Variants in COL4A2 observed in about 807,000 individuals in gnomAD.
The protein encoded by COL4A2 is collagen alpha-2(IV) chain.
A neutral mutation model predicts 200.2 loss-of-function variants in COL4A2; 99 were observed. The ratio of observed to expected loss-of-function variants is 0.49; its 90% CI spans 0.42 to 0.58. The LOEUF (loss-of-function observed/expected upper bound fraction) is 0.58, where lower values mean the gene tolerates loss of function less well. Ranked by LOEUF, COL4A2 falls within the 20% of genes least tolerant of loss-of-function variation. The pLI is 0.00. For synonymous variants in COL4A2, 897 were observed against 900.6 expected (o/e 1.00, Z 0.07); for missense variants, 1,950 against 2,314.1 (o/e 0.84, Z 3.23).
chr13:110,395,262 A>G (rs1879144818), intron 4 of COL4A2, among the ~76,000 whole-genome samples: 1 of 152,206 alleles, frequency 6.6e-6, no homozygotes, highest in Non-Finnish European at 1.5e-5. Flanking sequence ...AGTTCCCTTC[A>G]ACATTAGAAC....
intron 6 of COL4A2, among the ~76,000 whole-genome samples, 184 bp downstream of exon 6, chr13:110,425,181 G>A (rs1035008636): frequency 6.6e-6 from 1 of 152,206 alleles, no homozygotes; most frequent in African/African-American, 2.4e-5. Flanking sequence ...TGTTTGCTTT[G>A]TAAACGTCCT....
Position 110,467,021 on chromosome 13 carries a change from T to C in COL4A2, c.2039-19T>C, listed in dbSNP as rs1882267841. On this transcript the variant is annotated intron_variant, in intron 26 of 47. Transcript: ENST00000360467. ...GTTTAGGATTGCTTGGGCTCATCTT[T>C]TCTCCTTTCTGTCCCCAGGTTGCAT... 1 of 1,613,874 alleles carries C rather than the reference T, an allele frequency of 6.2e-7. No individual in the cohort carries two copies.
intron 29 of COL4A2, among the ~76,000 whole-genome samples, chr13:110,476,217 C>T (rs1170122935): frequency 1.6e-5 from 2 of 123,634 alleles, no homozygotes; most frequent in Non-Finnish European, 3.7e-5. Flanking sequence ...GGTGGACCTG[C>T]CATCGCTGCG....
At chr13:110,486,442 C>CG (rs909449062) in intron 34 of COL4A2, among the ~76,000 whole-genome samples, 5 of 152,198 alleles carry the variant, frequency 3.3e-5, no homozygotes, top group Non-Finnish European at 5.9e-5. Flanking sequence ...CATAGCACAG[C>CG]GTGGCTCCCC....
chr13:110,358,893 A>G (rs1877398372), intron 4 of COL4A2, among the ~76,000 whole-genome samples: 2 of 152,236 alleles, frequency 1.3e-5, no homozygotes, highest in African/African-American at 2.4e-5. Flanking sequence ...AATTTTCATA[A>G]GCATCTTTTC....
chr13:110,375,796 C>A (rs1878212422), intron 4 of COL4A2, among the ~76,000 whole-genome samples: 1 of 151,856 alleles, frequency 6.6e-6, no homozygotes, highest in South Asian at 2.1e-4. Flanking sequence ...CGCCGCTGCA[C>A]TCCAGCCTGG....
At chr13:110,505,125 C>G (rs375264039) in intron 45 of COL4A2, among the ~76,000 whole-genome samples, 3 of 151,128 alleles carry the variant, frequency 2.0e-5, no homozygotes, top group Admixed American at 1.3e-4. Flanking sequence ...CTGAGGTGGG[C>G]GGATCACAAG....
rs1882623615 is a variant in COL4A2, at chr13:110,474,728, CG to C, written c.2425+1579del. Among the ~76,000 whole-genome samples, 2 of 139,610 alleles carry C rather than the reference CG, an allele frequency of 1.4e-5. 1 individual carries two copies. The highest frequency in any genetic ancestry group is 3.2e-5 in the Non-Finnish European group (2 of 63,358). 91.6% of individuals were successfully genotyped at this position (139,610 alleles called of 152,430 possible). On this transcript the variant is annotated intron_variant, in intron 29 of 47. Transcript: ENST00000360467. ...GTACACTCACATGATCACACACGCA[CG>C]TACCCACACACGTGCCGTGCACACT...
rs149836571 is a variant in COL4A2 at position 110,442,213 on chromosome 13, C to G, written c.957+2380C>G. Among the ~76,000 whole-genome samples the G allele has an allele frequency of 4.3e-4, 65 of 152,188 alleles. No homozygotes were observed. The East Asian group carries it at 0.01, about 24-fold the overall frequency. On this transcript the variant is annotated intron_variant, in intron 16 of 47. Coordinates refer to ENST00000360467, the MANE Select transcript of COL4A2 (RefSeq NM_001846.4). ...ACCTGGCAGCTCCAGGGCTGGGGCC[C>G]AGATGTGAGGATGGTGAGGCGTCAG...
At chr13:110,410,102 T>C (rs1247299682) in intron 4 of COL4A2, among the ~76,000 whole-genome samples, 2 of 152,176 alleles carry the variant, frequency 1.3e-5, no homozygotes, top group African/African-American at 2.4e-5. Flanking sequence ...AAGACAGAGA[T>C]GAGGAAGACT....
rs574412120 is a variant in COL4A2 at position 110,508,181 on chromosome 13, C to A, written c.4841C>A (p.Ala1614Asp). ...SQDVSIPHCP[A>D]GWRSLWIGYS... ...GATGTCTCCATCCCACACTGCCCAGCTGGGTGGCGGAGTTTGTGGATCGGA... is the reference window on the plus strand; with the variant it reads ...GATGTCTCCATCCCACACTGCCCAGATGGGTGGCGGAGTTTGTGGATCGGA... Residue 1614 changes from alanine (A) to aspartate (D), a missense_variant, in exon 47 of 48, where the codon GCT becomes GAT. Coordinates refer to ENST00000360467, the MANE Select transcript of COL4A2 (RefSeq NM_001846.4). The surrounding 1 kb of genome is among the most constrained non-coding windows in gnomAD (Gnocchi z 6.1). 1 of 1,614,264 alleles carries A rather than the reference C, an allele frequency of 6.2e-7. No homozygotes were observed. The highest frequency in any genetic ancestry group is 1.1e-5 in the South Asian group (1 of 91,090).
chr13:110,308,216 C>A, intron 3 of COL4A2, 93 bp downstream of exon 3: 21 of 1,428,790 alleles, frequency 1.5e-5, no homozygotes, highest in Non-Finnish European at 2.1e-5. Flanking sequence ...CGTGCGCTCC[C>A]GAGTGTGTGT....
chr13:110,374,411 G>T (rs956370097), intron 4 of COL4A2, among the ~76,000 whole-genome samples: 47 of 152,138 alleles, frequency 3.1e-4, no homozygotes, highest in African/African-American at 1.1e-3. Flanking sequence ...AAACTCAGTT[G>T]TTCAAAATTA....
chr13:110,503,564 C>A, intron 43 of COL4A2, 83 bp downstream of exon 43: 1 of 846,490 alleles, frequency 1.2e-6, no homozygotes, highest in Non-Finnish European at 1.8e-6. Flanking sequence ...GTCAAACGGC[C>A]AGGATCCTCT....
intron 10 of COL4A2, 185 bp downstream of exon 10, chr13:110,430,792 A>G (rs888417743): frequency 2.2e-6 from 2 of 892,348 alleles, no homozygotes; most frequent in African/African-American, 1.6e-5. Context: ...TTAAGGTTGA[A>G]GAATAAGGGC....
intron 21 of COL4A2, chr13:110,458,157 TGACCTGAGAGCA>T (rs1881851258): frequency 2.1e-6 from 1 of 469,906 alleles, no homozygotes. Context: ...TGGATGGGCA[TGACCTGAGAGCA>T]GGCACCGCAG....
chr13:110,375,216 CT>C (rs1377247318), intron 4 of COL4A2, among the ~76,000 whole-genome samples: 1 of 152,232 alleles, frequency 6.6e-6, no homozygotes, highest in Non-Finnish European at 1.5e-5. Context: ...GTCCCAGCCC[CT>C]GGGTGAGCCA....
intron 4 of COL4A2, among the ~76,000 whole-genome samples, chr13:110,372,796 A>G (rs1197756808): frequency 1.3e-5 from 2 of 152,228 alleles, no homozygotes; most frequent in African/African-American, 2.4e-5. Context: ...CATTTTAAAA[A>G]TTGCAGGTGT....
At chr13:110,411,750 G>GTATT (rs1297448238) in intron 4 of COL4A2, among the ~76,000 whole-genome samples, 1 of 152,208 alleles carries the variant, frequency 6.6e-6, no homozygotes, top group African/African-American at 2.4e-5. Flanking sequence ...TGGAAAAGAT[G>GTATT]TATTCAGAGT....
Sources: allele counts gnomAD v4.1 joint callset (sites outside exome capture counted in the v4.1 genomes callset), GRCh38; gene constraint gnomAD v4.1.1; non-coding constraint Gnocchi (gnomAD v3.1); transcripts MANE v1.5; gene names NCBI Gene and HGNC (gene_info 2026-07-23, HGNC 2026-07-21).